B4GALT6: variants seen among roughly 807,000 people sequenced by gnomAD.
B4GALT6 encodes the protein UDP-Gal:beta-GlcNAc beta-1,4-galactosyltransferase 6.
Under a neutral mutation model 46.3 loss-of-function variants are expected in B4GALT6, and 14 were observed. That is an observed-to-expected ratio of 0.30 (90% confidence interval 0.20 to 0.47). The LOEUF is 0.47. Among genes scored for constraint, B4GALT6 ranks in the 20% least tolerant of loss-of-function variants. The pLI is 0.99. For missense variants in B4GALT6, 386 were observed against 480.1 expected (o/e 0.80, Z 1.83); for synonymous variants, 168 against 162.0 (o/e 1.04, Z -0.28).
chr18:31,650,103 C>T (rs1313011182), intron 3 of B4GALT6, among the ~76,000 whole-genome samples: 5 of 152,162 alleles, frequency 3.3e-5, no homozygotes, highest in African/African-American at 1.2e-4. Context: ...TCTCTTTCAC[C>T]TTCTCCCACT....
chr18:31,696,662 C>T, the B4GALT6 span, among the ~76,000 whole-genome samples: 1 of 152,166 alleles, frequency 6.6e-6, no homozygotes. Context: ...TTGTTTTAAA[C>T]ACCATCAAAT....
At chr18:31,669,061 C>T (rs1282346967) in intron 1 of B4GALT6, among the ~76,000 whole-genome samples, 1 of 151,636 alleles carries the variant, frequency 6.6e-6, no homozygotes, top group East Asian at 1.9e-4. Context: ...GTTCCAATTC[C>T]TCTCTGTCCA....
chr18:31,703,383 A>G, the B4GALT6 span, among the ~76,000 whole-genome samples: 2 of 152,200 alleles, frequency 1.3e-5, no homozygotes, highest in African/African-American at 4.8e-5. Flanking sequence ...GTTTTATATT[A>G]TGCCTATCCT....
chr18:31,626,932 A>G (rs2073706657), intron 7 of B4GALT6, 67 bp downstream of exon 7: 1 of 1,385,938 alleles, frequency 7.2e-7, no homozygotes, highest in African/African-American at 1.5e-5. Context: ...GATAAGTACT[A>G]CAATTTACCT....
At chr18:31,694,495 C>T in the B4GALT6 span, among the ~76,000 whole-genome samples, 3 of 152,222 alleles carry the variant, frequency 2.0e-5, no homozygotes, top group East Asian at 1.9e-4. Context: ...AAAGAACAAT[C>T]GCTCAGAGTC....
At chr18:31,642,709 T>C (rs1057081249) in intron 4 of B4GALT6, among the ~76,000 whole-genome samples, 21 of 152,342 alleles carry the variant, frequency 1.4e-4, no homozygotes, top group South Asian at 4.1e-4. Context: ...AGTGGTTTTT[T>C]GTTTGTTTGT....
At chr18:31,709,553 A>ATATG in the B4GALT6 span, among the ~76,000 whole-genome samples, 1 of 126,794 alleles carries the variant, frequency 7.9e-6, no homozygotes, top group East Asian at 2.3e-4. Flanking sequence ...TAGGATATAT[A>ATATG]TGTGTGTGTG....
chr18:31,675,382 A>C (rs936135411), intron 1 of B4GALT6, among the ~76,000 whole-genome samples: 1 of 152,256 alleles, frequency 6.6e-6, no homozygotes, highest in Non-Finnish European at 1.5e-5. Flanking sequence ...TCTGTAAAGA[A>C]CCAAGATCCT....
rs138299385 is a variant in B4GALT6, at chr18:31,646,218, G to A, written c.347-739C>T. Among the ~76,000 whole-genome samples, 606 of 152,306 alleles carry A rather than the reference G, an allele frequency of 4.0e-3. 7 individuals are homozygous for A. Among genetic ancestry groups the A allele is most frequent in the African/African-American group, 0.013 (558 of 41,550 alleles). On this transcript the variant is annotated intron_variant, in intron 3 of 8. Transcript: ENST00000306851. ...CATACAAAACTGAAAAACCACTTCT[G>A]AGGTATTCCTGGTCTAACAGGCACT...
intron 2 of B4GALT6, 139 bp downstream of exon 2, chr18:31,666,117 G>C: frequency 1.9e-6 from 1 of 518,772 alleles, no homozygotes; most frequent in East Asian, 3.0e-5. Context: ...GATTTGCACA[G>C]TAAAATAATC....
chr18:31,658,668 G>A (rs1424488813), intron 2 of B4GALT6, among the ~76,000 whole-genome samples: 2 of 152,208 alleles, frequency 1.3e-5, no homozygotes, highest in African/African-American at 4.8e-5. Flanking sequence ...TATCTTTAGA[G>A]TCAGCAAATT....
At chr18:31,665,020 TTAAATTGAGATCAA>T (rs781214107) in intron 2 of B4GALT6, among the ~76,000 whole-genome samples, 4 of 152,228 alleles carry the variant, frequency 2.6e-5, no homozygotes, top group Non-Finnish European at 5.9e-5. Flanking sequence ...ACATGTGATA[TTAAATTGAGATCAA>T]TATGTCACAG....
At chr18:31,715,520 G>A in the B4GALT6 span, among the ~76,000 whole-genome samples, 1,733 of 143,514 alleles carry the variant, frequency 0.012, 39 homozygotes, top group African/African-American at 0.043. Context: ...GAGCCACAGC[G>A]CCTGGTCTGG....
chr18:31,692,038 T>C, the B4GALT6 span, among the ~76,000 whole-genome samples: 2 of 152,184 alleles, frequency 1.3e-5, no homozygotes, highest in African/African-American at 4.8e-5. Flanking sequence ...ATTAACATAA[T>C]TCAACATATT....
intron 4 of B4GALT6, among the ~76,000 whole-genome samples, chr18:31,641,721 T>C (rs2073932932): frequency 6.6e-6 from 1 of 152,214 alleles, no homozygotes; most frequent in Non-Finnish European, 1.5e-5. Context: ...GAATCTCTCC[T>C]CACCACCTCT....
At chr18:31,661,934 T>C (rs2074222379) in intron 2 of B4GALT6, among the ~76,000 whole-genome samples, 1 of 152,220 alleles carries the variant, frequency 6.6e-6, no homozygotes, top group African/African-American at 2.4e-5. Flanking sequence ...ATTAATTTCA[T>C]CATTAATGCT....
rs767362690 is a variant in B4GALT6 at position 31,627,129 on chromosome 18, A to C, written c.777-8T>G. 1.9e-6 allele frequency: 3 copies of C among 1,588,384 alleles called. No individual in the cohort carries two copies. The highest frequency in any genetic ancestry group is 2.2e-5 in the East Asian group (1 of 44,532). ...AATTCTTTATATGGAAGACTAGAAA[A>C]GAAAGACACAGTATTCTAAAAATAA... On this transcript the variant is annotated splice_polypyrimidine_tract_variant and splice_region_variant and intron_variant, in intron 6 of 8. Coordinates refer to ENST00000306851, the MANE Select transcript of B4GALT6 (RefSeq NM_004775.5).
intron 3 of B4GALT6, among the ~76,000 whole-genome samples, chr18:31,650,661 A>G (rs964742636): frequency 2.0e-5 from 3 of 152,208 alleles, no homozygotes; most frequent in African/African-American, 4.8e-5. Context: ...ATTTTCATGA[A>G]TTCTTTTTTC....
chr18:31,709,867 C>T, the B4GALT6 span, among the ~76,000 whole-genome samples: 1 of 151,826 alleles, frequency 6.6e-6, no homozygotes, highest in African/African-American at 2.4e-5. Flanking sequence ...CCAAGGCAGG[C>T]CGATCATCTG....
Sources: allele counts gnomAD v4.1 joint callset (sites outside exome capture counted in the v4.1 genomes callset), GRCh38; gene constraint gnomAD v4.1.1; transcripts MANE v1.5; gene names NCBI Gene and HGNC (gene_info 2026-07-23, HGNC 2026-07-21).